TBCB: variants seen among roughly 807,000 people sequenced by gnomAD.
The protein encoded by TBCB is tubulin-folding cofactor B.
A neutral mutation model predicts 29.2 loss-of-function variants in TBCB; 18 were observed. The observed-to-expected ratio is 0.62, with a 90% CI of 0.43 to 0.91. TBCB has a LOEUF of 0.91. Ranked by LOEUF, TBCB falls within the 40% of genes least tolerant of loss-of-function variation. The probability of loss-of-function intolerance (pLI) is 0.00; values close to 1 mark genes in which losing one functional copy is unlikely to be tolerated. For synonymous variants in TBCB, 172 were observed against 137.8 expected (o/e 1.25, Z -1.74); for missense variants, 336 against 337.6 (o/e 1.00, Z 0.04).
Position 36,116,056 on chromosome 19 carries a change from C to G in TBCB, c.130C>G (p.Leu44Val). The G allele has an allele frequency of 6.2e-7, 1 of 1,614,058 alleles. No homozygotes were observed. The highest frequency in any genetic ancestry group is 2.2e-5 in the East Asian group (1 of 44,878). ...CTCCTCACAGTGTAAACTGGAGTTG[C>G]TGGTGGGCAGCCCTGCTTCCTGCAT... is the stretch of plus-strand genomic sequence containing the variant. ...IAEFKCKLEL[L>V]VGSPASCMEL... The change falls in exon 2 of 6, where the codon CTG (leucine) becomes GTG (valine). Residue 44 changes from leucine to valine, a missense_variant. By Grantham distance (32) the Leu-to-Val change is conservative (BLOSUM62 1). Coordinates refer to ENST00000221855, the MANE Select transcript of TBCB (RefSeq NM_001281.3).
At chr19:36,118,996 A>G (rs1974001580) in intron 2 of TBCB, among the ~76,000 whole-genome samples, 1 of 152,130 alleles carries the variant, frequency 6.6e-6, no homozygotes, top group Non-Finnish European at 1.5e-5. Context: ...GGTGCACAGG[A>G]CTGAGCCTTT....
rs549321058 is a variant in TBCB, at chr19:36,121,435, TTCC to T, written c.356-88_356-86del. On this transcript the variant is annotated intron_variant, in intron 3 of 5. Coordinates refer to ENST00000221855, the MANE Select transcript of TBCB (RefSeq NM_001281.3). ...GCCCTTTGTCACCTGGAAGAGAGAG[TTCC>T]TCCGTGAACGTGGGCCCCTCGTGGG... 2.4e-4 allele frequency: 339 copies of T among 1,410,230 alleles called. 3 individuals are homozygous for T. The East Asian group carries it at 8.1e-3, about 34-fold the overall frequency. The allele number at this position is 1,410,230 out of a possible 1,614,324, so 87.4% of individuals were successfully genotyped here.
chr19:36,119,575 G>T (rs908124880), intron 2 of TBCB, among the ~76,000 whole-genome samples: 1 of 152,162 alleles, frequency 6.6e-6, no homozygotes, highest in Non-Finnish European at 1.5e-5. Flanking sequence ...TGCCCTGGTG[G>T]CACTTCGCTC....
intron 2 of TBCB, among the ~76,000 whole-genome samples, chr19:36,117,317 G>T (rs1973972410): frequency 6.6e-6 from 1 of 152,158 alleles, no homozygotes; most frequent in Non-Finnish European, 1.5e-5. Flanking sequence ...TAGTGCCTGG[G>T]ACAGGGAGGA....
At position 36,116,055 on chromosome 19, in the gene TBCB, G is replaced by C. The variant is rs748460579; in HGVS notation, c.129G>C (p.Leu43Phe). 5.0e-6 allele frequency: 8 copies of C among 1,614,122 alleles called. No individual in the cohort carries two copies. Among genetic ancestry groups the C allele is most frequent in the Non-Finnish European group, 1.7e-6 (2 of 1,179,980 alleles). ...TIAEFKCKLE[L>F]LVGSPASCME... is the part of the protein sequence containing the mutation. Reference sequence around the variant, plus strand: ...CCTCCTCACAGTGTAAACTGGAGTTGCTGGTGGGCAGCCCTGCTTCCTGCA... The same window carrying C: ...CCTCCTCACAGTGTAAACTGGAGTTCCTGGTGGGCAGCCCTGCTTCCTGCA... Residue 43 changes from leucine to phenylalanine, a missense_variant, in exon 2 of 6, where the codon TTG becomes TTC. Leu to Phe is a conservative substitution (Grantham distance 22). Transcript: ENST00000221855.
intron 4 of TBCB, among the ~76,000 whole-genome samples, chr19:36,124,957 G>T (rs973911874): frequency 3.4e-4 from 51 of 151,988 alleles, no homozygotes; most frequent in African/African-American, 1.2e-3. Flanking sequence ...TTGCAAAGTG[G>T]GTGTTCTTTG....
intron 2 of TBCB, 182 bp from the exon 3 acceptor site, chr19:36,120,528 A>C: frequency 1.8e-6 from 1 of 566,558 alleles, no homozygotes; most frequent in East Asian, 2.9e-5. Context: ...GAGGAAGGGG[A>C]GGTGGCCAGT....
chr19:36,124,101 C>G (rs779916982), intron 4 of TBCB, among the ~76,000 whole-genome samples: 4 of 152,164 alleles, frequency 2.6e-5, no homozygotes, highest in African/African-American at 9.7e-5. Context: ...TTACAGTCAT[C>G]CACTGGGTGT....
At chr19:36,117,249 C>T (rs1973971388) in intron 2 of TBCB, among the ~76,000 whole-genome samples, 3 of 152,150 alleles carry the variant, frequency 2.0e-5, no homozygotes, top group African/African-American at 4.8e-5. Context: ...GATTCGAGTG[C>T]CCTGAGGGTG....
At position 36,125,560 on chromosome 19, in the gene TBCB, TTTGTGTGTAA is replaced by T. The variant is rs749869720; in HGVS notation, c.620+38_620+47del. 3.1e-5 allele frequency: 50 copies of T among 1,613,536 alleles called. No individual in the cohort carries two copies. The African/African-American group carries it at 6.5e-4, about 21-fold the overall frequency. On this transcript the variant is annotated intron_variant, in intron 5 of 5. Transcript: ENST00000221855. ...TCCCACTCAGGTGTCTGTGTGTGCA[TTTGTGTGTAA>T]GTCCATGCGTGCTGCTTGCTGAGCT...
In TBCB at chr19:36,115,557, C is replaced by T. The variant is rs764610620; in HGVS notation, c.-4C>T. 3 of 1,601,790 alleles carry T rather than the reference C, an allele frequency of 1.9e-6. No homozygotes were observed. Among genetic ancestry groups the T allele is most frequent in the Non-Finnish European group, 2.6e-6 (3 of 1,174,604 alleles). On this transcript the variant is annotated 5_prime_UTR_variant, in exon 1 of 6. Transcript: ENST00000221855. ...CGCTGCAGGCATCCGCAGGGCGCGGCAAGATGGAGGTGACGGGGGTGTCGG... is the reference window on the plus strand; with the variant it reads ...CGCTGCAGGCATCCGCAGGGCGCGGTAAGATGGAGGTGACGGGGGTGTCGG...
At position 36,125,443 on chromosome 19, in the gene TBCB, G is replaced by A. The variant is rs530309557; in HGVS notation, c.548-8G>A. The A allele has an allele frequency of 1.2e-5, 20 of 1,614,098 alleles. No homozygotes were observed. Among genetic ancestry groups the A allele is most frequent in the Non-Finnish European group, 1.7e-5 (20 of 1,180,030 alleles). Reference sequence around the variant, plus strand: ...GAAGCTTCACAGGGATTTCTCTTCTGTTGGCAGGTCTCACAGATTTCAAGC... The same window carrying A: ...GAAGCTTCACAGGGATTTCTCTTCTATTGGCAGGTCTCACAGATTTCAAGC... On this transcript the variant is annotated splice_region_variant and splice_polypyrimidine_tract_variant and intron_variant, in intron 4 of 5. Coordinates refer to ENST00000221855, the MANE Select transcript of TBCB (RefSeq NM_001281.3).
upstream of TBCB, chr19:36,115,105 G>A (rs1284769854): frequency 1.7e-6 from 1 of 582,580 alleles, no homozygotes; most frequent in African/African-American, 1.9e-5. Context: ...AGAATAGTAT[G>A]GATCTGGTGC....
chr19:36,122,315 C>T (rs748600183), intron 4 of TBCB: 3 of 163,508 alleles, frequency 1.8e-5, no homozygotes, highest in Admixed American at 1.7e-4. Context: ...CATGATGGCT[C>T]ACGCCTGTAA....
At chr19:36,124,350 A>G (rs1421625668) in intron 4 of TBCB, among the ~76,000 whole-genome samples, 2 of 151,726 alleles carry the variant, frequency 1.3e-5, no homozygotes, top group Non-Finnish European at 2.9e-5. Flanking sequence ...CCTCCCGAGT[A>G]GCTGGGATTA....
At position 36,120,720 on chromosome 19, in the gene TBCB, A is replaced by G. The variant is rs1200400429; in HGVS notation, c.269A>G (p.His90Arg). 6.2e-7 allele frequency: 1 copy of G among 1,614,106 alleles called. No homozygotes were observed. Among genetic ancestry groups the G allele is most frequent in the Non-Finnish European group, 8.5e-7 (1 of 1,179,988 alleles). Residue 90 changes from histidine to arginine, a missense_variant, in exon 3 of 6, where the codon CAC becomes CGC. Transcript: ENST00000221855. Reference sequence around the variant, plus strand: ...CCTCCCCTCACACAGGTCATTGACCACAGTGGCGCCCGCCTTGGTGAGTAT... The same window carrying G: ...CCTCCCCTCACACAGGTCATTGACCGCAGTGGCGCCCGCCTTGGTGAGTAT... Reference protein sequence around the residue: ...DDGCRIHVIDHSGARLGEYED... With the variant: ...DDGCRIHVIDRSGARLGEYED...
At chr19:36,115,133 T>C, upstream of TBCB, 1 of 573,444 alleles carries the variant, frequency 1.7e-6, no homozygotes, top group Non-Finnish European at 3.1e-6. Context: ...GGGAAAACGA[T>C]GCGCATCGTA....
At chr19:36,120,865 G>A in intron 3 of TBCB, 59 bp downstream of exon 3, 1 of 1,560,796 alleles carries the variant, frequency 6.4e-7, no homozygotes, top group Admixed American at 1.7e-5. Context: ...GTGCAGGTAT[G>A]AGGGCGGGCA....
At chr19:36,125,100 G>C (rs1156532714) in intron 4 of TBCB, among the ~76,000 whole-genome samples, 6 of 152,212 alleles carry the variant, frequency 3.9e-5, no homozygotes, top group Admixed American at 3.3e-4. Flanking sequence ...ATGGAGGCTA[G>C]AAGTTCAAGA....
Sources: gnomAD v4.1 joint callset for allele counts (sites outside exome capture counted in the v4.1 genomes callset) on GRCh38, gnomAD v4.1.1 for gene constraint, MANE v1.5 for transcripts, NCBI Gene and HGNC (gene_info 2026-07-23, HGNC 2026-07-21) for gene names.